The following COL5A2 variants were observed in gnomAD, a reference collection of about 807,000 sequenced individuals.
COL5A2 encodes the protein collagen alpha-2(V) chain.
In COL5A2, 23 loss-of-function variants were observed where a neutral mutation model predicts 208.2. That is an observed-to-expected ratio of 0.11 (90% CI 0.08 to 0.16). The LOEUF is 0.16. COL5A2 is among the 10% of genes least tolerant of loss of function. COL5A2 has a pLI of 1.00. For missense variants in COL5A2, 1,590 were observed against 1,956.4 expected, an observed-to-expected ratio of 0.81 and a Z score of 3.53; for synonymous variants, 625 against 628.5, an observed-to-expected ratio of 0.99 and a Z score of 0.08.
chr2:189,434,490 T>C, the COL5A2 span, among the ~76,000 whole-genome samples: 1 of 152,170 alleles, frequency 6.6e-6, no homozygotes, highest in Non-Finnish European at 1.5e-5. Context: ...AGTCTCAGGA[T>C]ACAAAATCAA....
chr2:189,364,031 G>C, the COL5A2 span, among the ~76,000 whole-genome samples: 1 of 152,204 alleles, frequency 6.6e-6, no homozygotes, highest in South Asian at 2.1e-4. Context: ...AATTCTTCCA[G>C]TCATCATATC....
At chr2:189,091,496 T>C (rs56843866) in intron 7 of COL5A2, among the ~76,000 whole-genome samples, 20,178 of 152,150 alleles carry the variant, frequency 0.13, 1,369 homozygotes, top group Middle Eastern at 0.19. Context: ...CAAAACACCC[T>C]ATCAGCAAAA....
the COL5A2 span, among the ~76,000 whole-genome samples, chr2:189,239,112 G>T: frequency 8.1e-4 from 124 of 152,180 alleles, no homozygotes; most frequent in African/African-American, 2.9e-3. Context: ...GTTTACAAAA[G>T]GAACTACCAG....
In COL5A2 at chr2:189,146,817, T is replaced by A. The variant is rs181257252; in HGVS notation, c.97+32691A>T. Among the ~76,000 whole-genome samples the A allele has an allele frequency of 3.5e-4, 54 of 152,230 alleles. 1 individual carries two copies. Among genetic ancestry groups the A allele is most frequent in the African/African-American group, 1.1e-3 (44 of 41,576 alleles). On this transcript the variant is annotated intron_variant, in intron 1 of 53. Transcript: ENST00000374866. Reference sequence around the variant, plus strand: ...CACAGCAAACTATTACAGTAAAAGCTGCCTTCATAGGAAGAAACAAGCATC... The same window carrying A: ...CACAGCAAACTATTACAGTAAAAGCAGCCTTCATAGGAAGAAACAAGCATC...
the COL5A2 span, among the ~76,000 whole-genome samples, chr2:189,391,486 T>C: frequency 5.3e-5 from 8 of 152,098 alleles, no homozygotes; most frequent in African/African-American, 1.9e-4. Context: ...GTAAACAAAG[T>C]AACAGTTGAA....
chr2:189,113,372 G>A (rs1364625511), intron 1 of COL5A2, among the ~76,000 whole-genome samples: 1 of 152,104 alleles, frequency 6.6e-6, no homozygotes, highest in Non-Finnish European at 1.5e-5. Context: ...AGGCTGCAGT[G>A]AGCTATGGGA....
At chr2:189,071,216 G>T (rs749995918) in intron 18 of COL5A2, among the ~76,000 whole-genome samples, 42 of 152,280 alleles carry the variant, frequency 2.8e-4, no homozygotes, top group Admixed American at 5.9e-4. Flanking sequence ...GTTTAGAGGG[G>T]CCAGGTGACT....
chr2:189,175,772 C>T (rs1023767649), intron 1 of COL5A2, among the ~76,000 whole-genome samples: 20 of 152,004 alleles, frequency 1.3e-4, no homozygotes, highest in African/African-American at 4.8e-4. Context: ...GGGCTGGTCT[C>T]GAACTCCTGA....
At chr2:189,168,161 G>A (rs910905227) in intron 1 of COL5A2, among the ~76,000 whole-genome samples, 3 of 151,082 alleles carry the variant, frequency 2.0e-5, no homozygotes, top group Non-Finnish European at 4.4e-5. Flanking sequence ...GGATGGTGTC[G>A]ATCTTCTGAC....
At chr2:189,312,085 G>T in the COL5A2 span, 1 of 781,586 alleles carries the variant, frequency 1.3e-6, no homozygotes, top group Non-Finnish European at 2.3e-6. Flanking sequence ...TCGATCTGCA[G>T]AATGATGCTG....
At chr2:189,270,414 T>A in the COL5A2 span, among the ~76,000 whole-genome samples, 1 of 152,214 alleles carries the variant, frequency 6.6e-6, no homozygotes. Context: ...CCAGAGATTC[T>A]GGTACGTTGT....
intron 1 of COL5A2, among the ~76,000 whole-genome samples, chr2:189,171,878 G>T (rs2105819012): frequency 6.6e-6 from 1 of 152,254 alleles, no homozygotes; most frequent in East Asian, 1.9e-4. Flanking sequence ...AAATGCTACA[G>T]GAAAAGAGAA....
At chr2:189,241,692 T>A in the COL5A2 span, among the ~76,000 whole-genome samples, 2 of 152,102 alleles carry the variant, frequency 1.3e-5, no homozygotes, top group African/African-American at 4.8e-5. Context: ...TTCGAGAAAA[T>A]AATAAAAATA....
At chr2:189,427,822 A>T in the COL5A2 span, among the ~76,000 whole-genome samples, 1 of 152,058 alleles carries the variant, frequency 6.6e-6, no homozygotes, top group Non-Finnish European at 1.5e-5. Context: ...TCTTTGGCTG[A>T]TTTCTCCCTC....
the COL5A2 span, among the ~76,000 whole-genome samples, chr2:189,252,845 A>G: frequency 6.6e-6 from 1 of 152,198 alleles, no homozygotes; most frequent in Non-Finnish European, 1.5e-5. Context: ...ATCAAAGTAT[A>G]TTTTAGTATA....
the COL5A2 span, among the ~76,000 whole-genome samples, chr2:189,322,570 A>G: frequency 6.6e-6 from 1 of 152,222 alleles, no homozygotes; most frequent in East Asian, 1.9e-4. Context: ...TAAACTAGAA[A>G]ATCTAGAAGA....
chr2:189,420,804 T>C, the COL5A2 span, among the ~76,000 whole-genome samples: 1 of 152,098 alleles, frequency 6.6e-6, no homozygotes, highest in Non-Finnish European at 1.5e-5. Flanking sequence ...TACAGTCTGT[T>C]TCCATAAGAT....
intron 1 of COL5A2, among the ~76,000 whole-genome samples, chr2:189,144,242 G>GA (rs934491724): frequency 2.6e-5 from 4 of 151,562 alleles, no homozygotes; most frequent in South Asian, 2.1e-4. Context: ...AGATGAAAGA[G>GA]AAAAAAAAGG....
chr2:189,098,844 A>G, intron 4 of COL5A2, 85 bp from the exon 5 acceptor site: 1 of 956,420 alleles, frequency 1.0e-6, no homozygotes. Flanking sequence ...GAATAACAAC[A>G]AAAACCACAG....
Sources: allele counts gnomAD v4.1 joint callset (sites outside exome capture counted in the v4.1 genomes callset), GRCh38; gene constraint gnomAD v4.1.1; transcripts MANE v1.5; gene names NCBI Gene and HGNC (gene_info 2026-07-23, HGNC 2026-07-21).